Variants in RAP1A observed in about 807,000 individuals in gnomAD.
RAP1A encodes RAP1A, member of RAS oncogene family, also known as ras-related protein Rap-1A.
In RAP1A, 6 loss-of-function variants were observed where a neutral mutation model predicts 26.4. That is an observed-to-expected ratio of 0.23 (90% CI 0.12 to 0.45). The LOEUF is 0.45. Among genes scored for constraint, RAP1A ranks in the 20% least tolerant of loss-of-function variants. RAP1A has a pLI of 0.99. For missense variants in RAP1A, 121 were observed against 217.2 expected (o/e 0.56, Z 2.78); for synonymous variants, 73 against 79.4 (o/e 0.92, Z 0.43).
At chr1:111,607,747 A>C in intron 1 of RAP1A, among the ~76,000 whole-genome samples, 2 of 113,778 alleles carry the variant, frequency 1.8e-5, no homozygotes, top group Admixed American at 9.0e-5. Flanking sequence ...GGGGCTCCTC[A>C]CTTCCCAGTA....
At chr1:111,640,265 G>A (rs1659852574) in intron 1 of RAP1A, among the ~76,000 whole-genome samples, 1 of 152,110 alleles carries the variant, frequency 6.6e-6, no homozygotes, top group African/African-American at 2.4e-5. Context: ...GACAATATTT[G>A]ATTTTAACTA....
intron 4 of RAP1A, among the ~76,000 whole-genome samples, chr1:111,701,107 A>G (rs1448100600): frequency 6.6e-6 from 1 of 152,208 alleles, no homozygotes; most frequent in Non-Finnish European, 1.5e-5. Context: ...ACTCAGAGTA[A>G]AAGCCCAGGT....
intron 1 of RAP1A, among the ~76,000 whole-genome samples, chr1:111,675,851 G>A (rs578134803): frequency 3.3e-5 from 5 of 152,272 alleles, no homozygotes; most frequent in Admixed American, 2.0e-4. Flanking sequence ...CTGGGGAAGC[G>A]TCACAATCGT....
chr1:111,656,550 T>G (rs750715701), intron 1 of RAP1A, among the ~76,000 whole-genome samples: 2 of 152,202 alleles, frequency 1.3e-5, no homozygotes, highest in Non-Finnish European at 2.9e-5. Context: ...AGTTGTGCTT[T>G]TGTCCTGGGT....
At chr1:111,698,869 G>A (rs548276312) in intron 4 of RAP1A, among the ~76,000 whole-genome samples, 47 of 151,300 alleles carry the variant, frequency 3.1e-4, no homozygotes, top group Middle Eastern at 3.5e-3. Flanking sequence ...GCTCTCTAAT[G>A]TTTTTAGCTT....
At chr1:111,622,730 A>G (rs1029248981) in intron 1 of RAP1A, among the ~76,000 whole-genome samples, 5 of 152,364 alleles carry the variant, frequency 3.3e-5, no homozygotes, top group Admixed American at 6.5e-5. Flanking sequence ...GAATTTTTCA[A>G]TAGCTCACAT....
intron 1 of RAP1A, among the ~76,000 whole-genome samples, chr1:111,606,956 C>T (rs1478535054): frequency 6.6e-6 from 1 of 152,138 alleles, no homozygotes; most frequent in Admixed American, 6.5e-5. Flanking sequence ...TATTAGAGAA[C>T]AGTGAGGCCT....
chr1:111,674,988 G>A (rs898171244), intron 1 of RAP1A, among the ~76,000 whole-genome samples: 10 of 151,606 alleles, frequency 6.6e-5, no homozygotes, highest in African/African-American at 1.9e-4. Flanking sequence ...TCTTTTCCCC[G>A]TTATTTACTA....
At chr1:111,609,797 G>A (rs563391181) in intron 1 of RAP1A, among the ~76,000 whole-genome samples, 6 of 152,100 alleles carry the variant, frequency 3.9e-5, no homozygotes, top group African/African-American at 1.2e-4. Flanking sequence ...CACCATACCC[G>A]GCTAATTTTT....
chr1:111,573,709 T>C (rs1658093686), intron 1 of RAP1A, among the ~76,000 whole-genome samples: 1 of 152,234 alleles, frequency 6.6e-6, no homozygotes, highest in Non-Finnish European at 1.5e-5. Context: ...ATTTCTCTAA[T>C]GATCAGTGAT....
chr1:111,581,763 G>T (rs1272498655), intron 1 of RAP1A, among the ~76,000 whole-genome samples: 1 of 152,320 alleles, frequency 6.6e-6, no homozygotes, highest in Admixed American at 6.5e-5. Context: ...TCTAAGTTTT[G>T]AATAAAATGA....
At chr1:111,579,456 G>A (rs1312651192) in intron 1 of RAP1A, among the ~76,000 whole-genome samples, 3 of 152,146 alleles carry the variant, frequency 2.0e-5, no homozygotes, top group Non-Finnish European at 4.4e-5. Flanking sequence ...TGAGCTATGT[G>A]CCAGGTACTT....
intron 1 of RAP1A, among the ~76,000 whole-genome samples, chr1:111,687,208 A>ATTT (rs35277322): frequency 6.9e-5 from 9 of 131,278 alleles, no homozygotes; most frequent in African/African-American, 2.6e-4. Context: ...ATTGAGTTGA[A>ATTT]TTTTTTTTTT....
rs189709267 is a variant in RAP1A, at chr1:111,639,911, G to A, written c.-28+19977G>A. Among the ~76,000 whole-genome samples, 5 of 152,300 alleles carry A rather than the reference G, an allele frequency of 3.3e-5. No homozygotes were observed. In the East Asian group the frequency reaches 7.7e-4, roughly 23 times the overall value. On this transcript the variant is annotated intron_variant, in intron 1 of 7. Coordinates refer to ENST00000369709, the MANE Select transcript of RAP1A (RefSeq NM_002884.4). ...TAGTGGTATGCTTTTTGCATGGTGT[G>A]TTTATGAAAATTAACATCACAATGG... is the stretch of plus-strand genomic sequence containing the variant.
At chr1:111,598,206 T>A (rs1392650037) in intron 1 of RAP1A, among the ~76,000 whole-genome samples, 1 of 152,242 alleles carries the variant, frequency 6.6e-6, no homozygotes, top group Non-Finnish European at 1.5e-5. Context: ...ATGTTATATA[T>A]GTTTGGAATC....
At chr1:111,660,079 A>G (rs543048454) in intron 1 of RAP1A, among the ~76,000 whole-genome samples, 2 of 152,184 alleles carry the variant, frequency 1.3e-5, no homozygotes, top group African/African-American at 4.8e-5. Flanking sequence ...AAATTTTCAC[A>G]TTTCTTGCAA....
intron 4 of RAP1A, among the ~76,000 whole-genome samples, chr1:111,698,275 GTT>G (rs1370610511): frequency 6.6e-6 from 1 of 151,902 alleles, no homozygotes; most frequent in African/African-American, 2.4e-5. Context: ...GGATGGGTTC[GTT>G]TTTTGTTTTG....
At position 111,685,459 on chromosome 1, in the gene RAP1A, C is replaced by T. The variant is rs187095405; in HGVS notation, c.-27-5875C>T. 2.4e-3 allele frequency among the ~76,000 whole-genome samples: 367 copies of T among 151,690 alleles called. 1 individual carries two copies. The highest frequency in any genetic ancestry group is 8.3e-3 in the African/African-American group (344 of 41,424). On this transcript the variant is annotated intron_variant, in intron 1 of 7. Coordinates refer to ENST00000369709, the MANE Select transcript of RAP1A (RefSeq NM_002884.4). ...AGAAACAACCTCATCAAAAAATAGG[C>T]GAAAGACATGAACAGACACTTCTCA...
intron 1 of RAP1A, among the ~76,000 whole-genome samples, chr1:111,604,061 G>A (rs897226395): frequency 2.6e-5 from 4 of 152,186 alleles, no homozygotes; most frequent in Non-Finnish European, 4.4e-5. Flanking sequence ...TGCAAAGCAG[G>A]CTCCAGTGGG....
Sources: gnomAD v4.1 joint callset for allele counts (sites outside exome capture counted in the v4.1 genomes callset) on GRCh38, gnomAD v4.1.1 for gene constraint, MANE v1.5 for transcripts, NCBI Gene and HGNC (gene_info 2026-07-23, HGNC 2026-07-21) for gene names.